The following AGPAT3 variants were observed in gnomAD, a reference collection of about 807,000 sequenced individuals.
The protein encoded by AGPAT3 is 1-acylglycerol-3-phosphate O-acyltransferase 3.
A neutral mutation model predicts 47.3 loss-of-function variants in AGPAT3; 5 were observed. That is an observed-to-expected ratio of 0.11 (90% CI 0.06 to 0.22). The LOEUF (loss-of-function observed/expected upper bound fraction) is 0.22. AGPAT3 is among the 10% of genes least tolerant of loss of function. The probability of loss-of-function intolerance (pLI) is 1.00; values close to 1 mark genes in which losing one functional copy is unlikely to be tolerated. For synonymous variants in AGPAT3, 212 were observed against 208.3 expected, an observed-to-expected ratio of 1.02 and a Z score of -0.15; for missense variants, 315 against 493.0, an observed-to-expected ratio of 0.64 and a Z score of 3.42.
chr21:43,973,681 G>A (rs1482660484), intron 7 of AGPAT3, among the ~76,000 whole-genome samples: 2 of 152,240 alleles, frequency 1.3e-5, no homozygotes, highest in African/African-American at 4.8e-5. Context: ...GTCACTCACC[G>A]CTTCGCTGTT....
At chr21:43,937,530 T>C (rs547903239) in intron 2 of AGPAT3, among the ~76,000 whole-genome samples, 2 of 152,206 alleles carry the variant, frequency 1.3e-5, no homozygotes, top group Non-Finnish European at 2.9e-5. Context: ...TTGATACAGA[T>C]AAGTCTGATG....
At chr21:43,935,692 C>T (rs968036887) in intron 2 of AGPAT3, among the ~76,000 whole-genome samples, 2 of 152,078 alleles carry the variant, frequency 1.3e-5, no homozygotes, top group Admixed American at 6.5e-5. Context: ...GGAAAGGGAA[C>T]GACTCTCCCA....
At chr21:43,940,266 G>A (rs966413140) in intron 2 of AGPAT3, among the ~76,000 whole-genome samples, 7 of 152,264 alleles carry the variant, frequency 4.6e-5, no homozygotes, top group African/African-American at 1.2e-4. Context: ...GCAGCTACCC[G>A]GCCTGCCTCT....
chr21:43,970,843 T>A lies in AGPAT3; in HGVS notation c.664+37T>A. 6.8e-7 allele frequency: 1 copy of A among 1,473,934 alleles called. No homozygotes were observed. Among genetic ancestry groups the A allele is most frequent in the Non-Finnish European group, 9.0e-7 (1 of 1,111,910 alleles). The allele number at this position is 1,473,934 out of a possible 1,614,324, so 91.3% of individuals were successfully genotyped here. On this transcript the variant is annotated intron_variant, in intron 6 of 9. Coordinates refer to ENST00000291572, the MANE Select transcript of AGPAT3 (RefSeq NM_020132.5). The surrounding 1 kb of genome is among the most constrained non-coding windows in gnomAD (Gnocchi z 5.8). Reference sequence around the variant, plus strand: ...ACTGCCCGAGCCGGGGCCACCGCTATGCTCACGGAAAATAGTGATTTCTTT... The same window carrying A: ...ACTGCCCGAGCCGGGGCCACCGCTAAGCTCACGGAAAATAGTGATTTCTTT...
chr21:43,972,827 G>C (rs781247128), intron 7 of AGPAT3, among the ~76,000 whole-genome samples: 2 of 152,252 alleles, frequency 1.3e-5, no homozygotes, highest in African/African-American at 4.8e-5. Flanking sequence ...CCCTTGTTGA[G>C]CTTGTCAGTC....
At chr21:43,965,966 A>T (rs2089104125) in intron 3 of AGPAT3, 1 of 152,134 alleles carries the variant, frequency 6.6e-6, no homozygotes, top group Non-Finnish European at 1.5e-5. Context: ...TGGCTGGCTT[A>T]CTCATTGTGC....
intron 2 of AGPAT3, among the ~76,000 whole-genome samples, chr21:43,943,866 G>T (rs562612828): frequency 3.2e-4 from 49 of 152,360 alleles, no homozygotes; most frequent in African/African-American, 1.1e-3. Context: ...TAAAATCAGG[G>T]CGAGAGGGAG....
chr21:43,890,835 T>A (rs2086088144), intron 1 of AGPAT3, among the ~76,000 whole-genome samples: 1 of 152,074 alleles, frequency 6.6e-6, no homozygotes, highest in Non-Finnish European at 1.5e-5. Context: ...CCTCCCAGGT[T>A]AAAGTGATTC....
chr21:43,940,152 C>T (rs925690720), intron 2 of AGPAT3, among the ~76,000 whole-genome samples: 11 of 152,228 alleles, frequency 7.2e-5, no homozygotes, highest in Non-Finnish European at 1.5e-4. Flanking sequence ...CTAATCCCTC[C>T]GCTTGAGCTC....
intron 2 of AGPAT3, among the ~76,000 whole-genome samples, chr21:43,957,573 T>A (rs1362715360): frequency 1.5e-5 from 2 of 136,792 alleles, no homozygotes; most frequent in East Asian, 4.7e-4. Flanking sequence ...GGGTCTCGGG[T>A]TTCCCCCTCC....
chr21:43,899,909 G>T (rs919639343), intron 1 of AGPAT3, among the ~76,000 whole-genome samples: 2 of 152,216 alleles, frequency 1.3e-5, no homozygotes, highest in Non-Finnish European at 2.9e-5. Context: ...CTGAGAGGAG[G>T]AGTGTCTCAG....
Position 43,901,916 on chromosome 21 carries a change from CA to C in AGPAT3, c.-111-2034del, listed in dbSNP as rs1285784957. On this transcript the variant is annotated intron_variant, in intron 1 of 9. Coordinates refer to ENST00000291572, the MANE Select transcript of AGPAT3 (RefSeq NM_020132.5). ...AAAATGAAACACAAAGAAAGAAAGA[CA>C]AAAAAATGAACAGAGCATCAGTGGG... Among the ~76,000 whole-genome samples the C allele has an allele frequency of 2.0e-5, 3 of 151,918 alleles. No individual in the cohort carries two copies. The South Asian group carries it at 6.2e-4, about 31-fold the overall frequency.
chr21:43,927,121 G>A (rs535025816), intron 2 of AGPAT3, among the ~76,000 whole-genome samples: 1 of 152,174 alleles, frequency 6.6e-6, no homozygotes, highest in Admixed American at 6.5e-5. Context: ...TTTGAACAGT[G>A]GTCAGTCCTG....
At chr21:43,913,876 A>G (rs2086678469) in intron 2 of AGPAT3, among the ~76,000 whole-genome samples, 1 of 152,250 alleles carries the variant, frequency 6.6e-6, no homozygotes, top group African/African-American at 2.4e-5. Flanking sequence ...ACACTAGGTA[A>G]GAAATTAACA....
chr21:43,932,259 C>T lies in AGPAT3; in HGVS notation c.-48-27375C>T, dbSNP rs1429126585. On this transcript the variant is annotated intron_variant, in intron 2 of 9. Coordinates refer to ENST00000291572, the MANE Select transcript of AGPAT3 (RefSeq NM_020132.5). This position sits in a 1 kb window ranked among gnomAD's most constrained non-coding sequence, Gnocchi z 5.2. Reference sequence around the variant, plus strand: ...CCCTTTGATCAGCACCTCCCCTGCCCGTCCTTGCCCAAGCCCCCAGCCCCT... The same window carrying T: ...CCCTTTGATCAGCACCTCCCCTGCCTGTCCTTGCCCAAGCCCCCAGCCCCT... Among the ~76,000 whole-genome samples, 4 of 152,174 alleles carry T rather than the reference C, an allele frequency of 2.6e-5. No individual in the cohort carries two copies. Among genetic ancestry groups the T allele is most frequent in the South Asian group, 4.1e-4 (2 of 4,830 alleles).
chr21:43,869,383 T>C (rs2123493873), intron 1 of AGPAT3, among the ~76,000 whole-genome samples: 1 of 152,312 alleles, frequency 6.6e-6, no homozygotes, highest in East Asian at 1.9e-4. Flanking sequence ...TACACATAAT[T>C]TTTGCATTGA....
chr21:43,959,578 C>T, intron 2 of AGPAT3, 56 bp from the exon 3 acceptor site: 2 of 1,524,986 alleles, frequency 1.3e-6, no homozygotes, highest in Non-Finnish European at 1.8e-6. Flanking sequence ...CCCCGGTGTT[C>T]CTGTGAGGGT....
intron 1 of AGPAT3, among the ~76,000 whole-genome samples, chr21:43,889,113 A>C (rs1276169546): frequency 2.0e-5 from 3 of 152,184 alleles, no homozygotes; most frequent in Non-Finnish European, 4.4e-5. Context: ...TGTGAATAAC[A>C]ACAGATTTGT....
intron 2 of AGPAT3, among the ~76,000 whole-genome samples, chr21:43,936,440 C>T (rs751086269): frequency 2.6e-5 from 4 of 152,270 alleles, no homozygotes; most frequent in Non-Finnish European, 5.9e-5. Context: ...TCCTGGCACA[C>T]GGCCACAGTG....
Sources: gnomAD v4.1 joint callset for allele counts (sites outside exome capture counted in the v4.1 genomes callset) on GRCh38, gnomAD v4.1.1 for gene constraint, Gnocchi (gnomAD v3.1) non-coding constraint, MANE v1.5 for transcripts, NCBI Gene and HGNC (gene_info 2026-07-23, HGNC 2026-07-21) for gene names.